The following POLA1 variants were observed in gnomAD, a reference collection of about 807,000 sequenced individuals.
The protein encoded by POLA1 is DNA polymerase alpha catalytic subunit.
Under a neutral mutation model 124.0 loss-of-function variants are expected in POLA1, and 15 were observed. The ratio of observed to expected loss-of-function variants is 0.12; its 90% confidence interval spans 0.08 to 0.19. POLA1 has a LOEUF of 0.19. POLA1 is among the 10% of genes least tolerant of loss of function. The pLI is 1.00. For missense variants in POLA1, 886 were observed against 1,103.4 expected (o/e 0.80, Z 2.79); for synonymous variants, 408 against 389.4 (o/e 1.05, Z -0.56).
chrX:24,800,012 C>T (rs1260390614), intron 26 of POLA1, among the ~76,000 whole-genome samples: 1 of 111,277 alleles, frequency 9.0e-6, no homozygotes, highest in Non-Finnish European at 1.9e-5. Context: ...ATAGTTTGGC[C>T]GTGTCTTAAT....
At chrX:24,767,357 G>C (rs1005798723) in intron 26 of POLA1, among the ~76,000 whole-genome samples, 2 of 111,629 alleles carry the variant, frequency 1.8e-5, no homozygotes, top group African/African-American at 6.5e-5. Flanking sequence ...ACATTTGACT[G>C]CCCGCCCCCC....
At chrX:24,981,733 T>C (rs1242815460) in intron 36 of POLA1, among the ~76,000 whole-genome samples, 1 of 111,672 alleles carries the variant, frequency 9.0e-6, no homozygotes, top group Non-Finnish European at 1.9e-5. Context: ...AAAAGAAGAG[T>C]TTTATTATCA....
At chrX:24,779,940 G>A (rs374969572) in intron 26 of POLA1, among the ~76,000 whole-genome samples, 11 of 111,710 alleles carry the variant, frequency 9.8e-5, no homozygotes, top group Admixed American at 7.6e-4. Flanking sequence ...AAAAATGGTT[G>A]AATATCAGCC....
intron 35 of POLA1, among the ~76,000 whole-genome samples, chrX:24,921,682 C>G (rs1206556600): frequency 8.9e-6 from 1 of 112,137 alleles, no homozygotes; most frequent in African/African-American, 3.2e-5. Context: ...AGCAGAACTT[C>G]TTCAGAGGTG....
intron 26 of POLA1, among the ~76,000 whole-genome samples, chrX:24,780,139 G>A (rs1196710261): frequency 9.0e-6 from 1 of 111,700 alleles, no homozygotes; most frequent in Admixed American, 9.5e-5. Flanking sequence ...TCAGGAGTTC[G>A]GCCTGTAGTT....
intron 36 of POLA1, among the ~76,000 whole-genome samples, chrX:24,947,247 T>C (rs12844864): frequency 1.2e-4 from 1 of 8,017 alleles, no homozygotes; most frequent in South Asian, 3.1e-3. Context: ...CTGCAGATTC[T>C]TTTTTTTTTT....
chrX:24,762,867 A>T (rs1437630583), intron 26 of POLA1, among the ~76,000 whole-genome samples: 2 of 110,348 alleles, frequency 1.8e-5, no homozygotes, highest in African/African-American at 6.6e-5. Context: ...CCTCCCAAGT[A>T]GCTGGGACTA....
At chrX:24,762,768 C>T (rs190243520) in intron 26 of POLA1, among the ~76,000 whole-genome samples, 57 of 109,827 alleles carry the variant, frequency 5.2e-4, no homozygotes, top group East Asian at 1.1e-3. Flanking sequence ...GGCAGAGTCT[C>T]GCTCTGTCGC....
chrX:24,807,221 T>C (rs905587583), intron 26 of POLA1, among the ~76,000 whole-genome samples: 57 of 111,762 alleles, frequency 5.1e-4, no homozygotes, highest in Non-Finnish European at 7.7e-4. Flanking sequence ...GTAGAAGAAA[T>C]TGGTTATTGA....
intron 26 of POLA1, chrX:24,788,616 C>T (rs1479879637): frequency 1.7e-6 from 2 of 1,195,384 alleles, no homozygotes; most frequent in East Asian, 5.9e-5. Context: ...ATATCTGTCT[C>T]ATCATCCCAA....
chrX:24,735,255 A>G (rs1471100544), intron 17 of POLA1, 144 bp from the exon 18 acceptor site: 3 of 410,327 alleles, frequency 7.3e-6, no homozygotes, highest in Non-Finnish European at 1.3e-5. Context: ...ACCTACAATC[A>G]GGAATTTCAT....
intron 2 of POLA1, among the ~76,000 whole-genome samples, chrX:24,701,764 AT>A (rs753871510): frequency 2.9e-3 from 251 of 86,095 alleles, no homozygotes; most frequent in Non-Finnish European, 2.0e-3. Context: ...GAATGGGAGA[AT>A]TTTTTTTTTT....
chrX:24,825,768 A>T (rs2046161743), intron 31 of POLA1, among the ~76,000 whole-genome samples: 2 of 112,080 alleles, frequency 1.8e-5, no homozygotes, highest in South Asian at 7.6e-4. Context: ...ATACCAAATG[A>T]CATGCCCTTC....
chrX:24,845,238 TTTAA>T (rs1335925235), intron 34 of POLA1, among the ~76,000 whole-genome samples: 1 of 111,576 alleles, frequency 9.0e-6, no homozygotes, highest in East Asian at 2.8e-4. Flanking sequence ...GAGCATTTGC[TTTAA>T]TTGTTTTTTT....
intron 26 of POLA1, among the ~76,000 whole-genome samples, chrX:24,766,493 A>G (rs1932906196): frequency 8.9e-6 from 1 of 112,369 alleles, no homozygotes; most frequent in Admixed American, 9.5e-5. Flanking sequence ...TTCTGAAGAA[A>G]GGTGAAGACT....
chrX:24,984,095 T>C (rs192088632), intron 36 of POLA1, among the ~76,000 whole-genome samples: 1 of 112,562 alleles, frequency 8.9e-6, no homozygotes, highest in East Asian at 2.8e-4. Context: ...GCTTTCCCTT[T>C]TAATCATTGA....
chrX:24,855,279 A>G (rs976107963), intron 34 of POLA1, among the ~76,000 whole-genome samples: 2 of 111,880 alleles, frequency 1.8e-5, no homozygotes, highest in African/African-American at 6.5e-5. Context: ...TGCATTTTGC[A>G]AATTTATTTT....
At chrX:24,883,644 G>T (rs1263315322) in intron 34 of POLA1, among the ~76,000 whole-genome samples, 1 of 112,011 alleles carries the variant, frequency 8.9e-6, no homozygotes, top group Non-Finnish European at 1.9e-5. Flanking sequence ...GGCATATTTT[G>T]GTAAAGGTTT....
chrX:24,834,754 G>T (rs1037284114), intron 32 of POLA1, among the ~76,000 whole-genome samples: 12 of 111,485 alleles, frequency 1.1e-4, no homozygotes. Context: ...TCCAGCCTGG[G>T]CAACAGAGCG....
Sources: gnomAD v4.1 joint callset for allele counts (sites outside exome capture counted in the v4.1 genomes callset) on GRCh38, gnomAD v4.1.1 for gene constraint, MANE v1.5 for transcripts, NCBI Gene and HGNC (gene_info 2026-07-23, HGNC 2026-07-21) for gene names.